SCN1A: variants seen among roughly 807,000 people sequenced by gnomAD.
SCN1A encodes the protein sodium channel protein type 1 subunit alpha.
SCN1A carries 13 observed loss-of-function variants against 193.7 expected under a neutral mutation model. The observed-to-expected ratio is 0.07, with a 90% confidence interval of 0.04 to 0.11. The LOEUF (loss-of-function observed/expected upper bound fraction) is 0.11. Among genes scored for constraint, SCN1A ranks in the 10% least tolerant of loss-of-function variants. The pLI is 1.00. For synonymous variants in SCN1A, 781 were observed against 843.6 expected, an observed-to-expected ratio of 0.93 and a Z score of 1.29; for missense variants, 1,432 against 2,451.1, an observed-to-expected ratio of 0.58 and a Z score of 8.78.
intron 1 of SCN1A, among the ~76,000 whole-genome samples, chr2:166,144,832 TG>T (rs1692238661): frequency 6.8e-6 from 1 of 146,376 alleles, no homozygotes; most frequent in South Asian, 2.2e-4. Flanking sequence ...AGAGTTGCTA[TG>T]GGTCTCAGAA....
intron 1 of SCN1A, among the ~76,000 whole-genome samples, chr2:166,140,082 T>A (rs1477039271): frequency 1.3e-5 from 2 of 152,170 alleles, no homozygotes; most frequent in African/African-American, 2.4e-5. Flanking sequence ...TCTTCATGAA[T>A]TTATAAATGA....
At chr2:166,054,606 TTC>T in intron 7 of SCN1A, 30 bp downstream of exon 7, 2 of 1,610,160 alleles carry the variant, frequency 1.2e-6, no homozygotes, top group Non-Finnish European at 1.7e-6. Flanking sequence ...CCAAACTATG[TTC>T]TCTCTTAAAG....
In SCN1A at chr2:165,989,970, TGCTTAATG is replaced by T. The variant is rs1458429114; in HGVS notation, c.*1267_*1274del. ...AAGCTGTTAAAGTGCTGCAAACTAT[TGCTTAATG>T]ACTTAAATAAATGAGATCTGTTGAA... On this transcript the variant is annotated 3_prime_UTR_variant, in exon 29 of 29. Transcript: ENST00000674923. 1 of 152,622 alleles carries T rather than the reference TGCTTAATG, an allele frequency of 6.6e-6. No individual in the cohort carries two copies. Among genetic ancestry groups the T allele is most frequent in the African/African-American group, 2.4e-5 (1 of 41,456 alleles). 9.5% of individuals were successfully genotyped at this position (152,622 alleles called of 1,614,324 possible).
At chr2:166,019,416 T>G (rs758458488) in intron 19 of SCN1A, among the ~76,000 whole-genome samples, 8 of 152,140 alleles carry the variant, frequency 5.3e-5, no homozygotes, top group Non-Finnish European at 1.2e-4. Flanking sequence ...ATACTCAAAT[T>G]TAGTATGCTC....
At chr2:166,005,172 G>A (rs1355865859) in intron 23 of SCN1A, among the ~76,000 whole-genome samples, 4 of 151,350 alleles carry the variant, frequency 2.6e-5, no homozygotes, top group Admixed American at 1.3e-4. Context: ...ACATATGTTC[G>A]TGAATCTTCC....
rs1256209754 is a variant in SCN1A, at chr2:166,043,840, C to T, written c.1872G>A (p.Gln624=). Reference sequence around the variant, plus strand: ...CCAGCATCCGGGATGACCTACTGGTCTGACTCAGGTTGCTGTTGCGTCTCT... The same window carrying T: ...CCAGCATCCGGGATGACCTACTGGTTTGACTCAGGTTGCTGTTGCGTCTCT... ...HGERRNSNLS[Q]TSRSSRMLAV... The change falls in exon 14 of 29, where the codon CAG becomes CAA. Residue 624 remains glutamine, a synonymous_variant. Transcript: ENST00000674923. 6.2e-7 allele frequency: 1 copy of T among 1,614,196 alleles called. No homozygotes were observed. Among genetic ancestry groups the T allele is most frequent in the Non-Finnish European group, 8.5e-7 (1 of 1,180,024 alleles).
chr2:166,119,904 T>C (rs1574589625), intron 2 of SCN1A, among the ~76,000 whole-genome samples: 1 of 152,110 alleles, frequency 6.6e-6, no homozygotes, highest in Non-Finnish European at 1.5e-5. Flanking sequence ...ACTTTTATTC[T>C]AGTTTTTAAG....
rs189546594 is a variant in SCN1A, at chr2:166,013,334, T to G, written c.3705+410A>C. Among the ~76,000 whole-genome samples the G allele has an allele frequency of 1.9e-3, 282 of 151,608 alleles. 2 individuals are homozygous for G. The highest frequency in any genetic ancestry group is 6.3e-3 in the African/African-American group (263 of 41,500). ...AGAGAAGTGGTCCCTAAGGACTTAC[T>G]ACTGTCCATCAAGAGATAATAATAA... On this transcript the variant is annotated intron_variant, in intron 21 of 28. Coordinates refer to ENST00000674923, the MANE Select transcript of SCN1A (RefSeq NM_001165963.4).
At chr2:165,985,389 AGAAAAAGGAAG>A (rs1201958080), downstream of SCN1A, 2 of 151,552 alleles carry the variant, frequency 1.3e-5, no homozygotes, top group African/African-American at 2.4e-5. Flanking sequence ...ATGGAAGGAA[AGAAAAAGGAAG>A]GAAAAAGGAA....
At chr2:166,054,179 GTAGA>G (rs1698889634) in intron 7 of SCN1A, among the ~76,000 whole-genome samples, 1 of 151,904 alleles carries the variant, frequency 6.6e-6, no homozygotes, top group Non-Finnish European at 1.5e-5. Flanking sequence ...TTTGATGCTA[GTAGA>G]TACTTACTTT....
intron 2 of SCN1A, among the ~76,000 whole-genome samples, chr2:166,121,638 C>T (rs892918786): frequency 1.3e-5 from 2 of 152,082 alleles, no homozygotes; most frequent in African/African-American, 4.8e-5. Context: ...TCATTATTAT[C>T]CAGTAGGAGG....
rs1387983754 is a variant in SCN1A, at chr2:166,043,782, T to G, written c.1930A>C (p.Thr644Pro). ...VFPANGKMHS[T>P]VDCNGVVSLV... ...GAAACCACACCATTGCAATCCACAGTGCTGTGCATCTTCCCATTCGCTGGA... is the reference window on the plus strand; with the variant it reads ...GAAACCACACCATTGCAATCCACAGGGCTGTGCATCTTCCCATTCGCTGGA... The change falls in exon 14 of 29, where the codon ACT becomes CCT. Residue 644 changes from threonine (T) to proline (P), a missense_variant. Physicochemically the swap from Thr to Pro is conservative, Grantham distance 38. Transcript: ENST00000674923. The G allele has an allele frequency of 6.2e-7, 1 of 1,614,194 alleles. No homozygotes were observed. Among genetic ancestry groups the G allele is most frequent in the Non-Finnish European group, 8.5e-7 (1 of 1,180,030 alleles).
At chr2:166,052,012 A>G (rs914938933) in intron 8 of SCN1A, 24 bp from the exon 9 acceptor site, 3 of 1,598,088 alleles carry the variant, frequency 1.9e-6, no homozygotes, top group Non-Finnish European at 2.6e-6. Context: ...GTCTATTACT[A>G]TGAAGACTTA....
In SCN1A at chr2:166,118,481, T is replaced by C. The variant is rs1420221027; in HGVS notation, c.-142+8443A>G. Among the ~76,000 whole-genome samples the C allele has an allele frequency of 4.0e-5, 6 of 151,848 alleles. No homozygotes were observed. In the South Asian group the frequency reaches 6.3e-4, roughly 16 times the overall value. On this transcript the variant is annotated intron_variant, in intron 2 of 28. Transcript: ENST00000674923. Reference sequence around the variant, plus strand: ...GACCCTTTAAAGGCCTTAAATATTATTGTGCGACCTCACAGACTCCTCAAA... The same window carrying C: ...GACCCTTTAAAGGCCTTAAATATTACTGTGCGACCTCACAGACTCCTCAAA...
chr2:166,006,527 A>T (rs1273893485), intron 23 of SCN1A, among the ~76,000 whole-genome samples: 1 of 151,400 alleles, frequency 6.6e-6, no homozygotes, highest in Non-Finnish European at 1.5e-5. Flanking sequence ...TCATGATAAG[A>T]CGTTTTTGTT....
chr2:166,020,131 C>T (rs763492197), intron 19 of SCN1A, among the ~76,000 whole-genome samples: 2 of 151,924 alleles, frequency 1.3e-5, no homozygotes, highest in Non-Finnish European at 2.9e-5. Flanking sequence ...AGGAGGGTCT[C>T]GATCTCCTGA....
chr2:166,117,599 A>T (rs569059678), intron 2 of SCN1A, among the ~76,000 whole-genome samples: 2 of 152,230 alleles, frequency 1.3e-5, no homozygotes, highest in African/African-American at 2.4e-5. Flanking sequence ...ATGTTTTTGT[A>T]TCATTATGAA....
chr2:166,037,674 T>C (rs889456223), intron 18 of SCN1A, 102 bp downstream of exon 18: 5 of 1,026,692 alleles, frequency 4.9e-6, no homozygotes, highest in African/African-American at 3.2e-5. Flanking sequence ...TATTATACTT[T>C]AAGTTTTAGG....
intron 25 of SCN1A, 26 bp downstream of exon 25, chr2:165,999,697 A>G (rs1559121956): frequency 6.6e-7 from 1 of 1,518,866 alleles, no homozygotes; most frequent in Non-Finnish European, 9.1e-7. Flanking sequence ...TATTGTAAAA[A>G]GACTTAGAAT....
Sources: gnomAD v4.1 joint callset for allele counts (sites outside exome capture counted in the v4.1 genomes callset) on GRCh38, gnomAD v4.1.1 for gene constraint, MANE v1.5 for transcripts, NCBI Gene and HGNC (gene_info 2026-07-23, HGNC 2026-07-21) for gene names.